The following AKR1B10 variants were observed in gnomAD, a reference collection of about 807,000 sequenced individuals.
The protein encoded by AKR1B10 is aldo-keto reductase family 1 member B10, also known as ARP.
In AKR1B10, 39 loss-of-function variants were observed where a neutral mutation model predicts 38.9. That is an observed-to-expected ratio of 1.00 (90% CI 0.78 to 1.31). AKR1B10 has a LOEUF of 1.31. Among genes scored for constraint, AKR1B10 ranks in the 50% most tolerant of loss-of-function variants. AKR1B10 has a pLI of 0.00. For synonymous variants in AKR1B10, 148 were observed against 141.2 expected (o/e 1.05, Z -0.34); for missense variants, 361 against 382.6 (o/e 0.94, Z 0.47).
Position 134,538,966 on chromosome 7 carries a change from T to C in AKR1B10, c.857T>C (p.Met286Thr), listed in dbSNP as rs3735042. ...GACTTTAAATTGAGTGATGAGGAGATGGCAACCATACTCAGCTTCAACAGA... is the reference window on the plus strand; with the variant it reads ...GACTTTAAATTGAGTGATGAGGAGACGGCAACCATACTCAGCTTCAACAGA... The part of the protein sequence containing the change: ...VFDFKLSDEE[M>T]ATILSFNRNW... The change falls in exon 9 of 10, where the codon ATG (methionine) becomes ACG (threonine). Residue 286 changes from methionine to threonine, a missense_variant. Met to Thr is a moderately conservative substitution (Grantham distance 81, BLOSUM62 -1). Around this residue, in one of 3 missense-constraint regions of AKR1B10, gnomAD observed 132 missense variants for 134.6 expected, o/e 0.98. Coordinates refer to ENST00000359579, the MANE Select transcript of AKR1B10 (RefSeq NM_020299.5). The C allele has an allele frequency of 9.1e-3, 14,661 of 1,614,022 alleles. 1,112 individuals carry two copies. The Admixed American group carries it at 0.16, about 18-fold the overall frequency.
chr7:134,532,866 C>G, intron 3 of AKR1B10, 138 bp from the exon 4 acceptor site: 2 of 666,328 alleles, frequency 3.0e-6, no homozygotes, highest in Non-Finnish European at 5.2e-6. Context: ...ACTCACATTC[C>G]TAAAGTATGT....
At chr7:134,532,311 AC>A (rs745667906) in intron 3 of AKR1B10, among the ~76,000 whole-genome samples, 16 of 152,242 alleles carry the variant, frequency 1.1e-4, no homozygotes, top group Non-Finnish European at 1.9e-4. Context: ...CTGCCATATC[AC>A]CTTTGTCTTG....
intron 5 of AKR1B10, 119 bp from the exon 6 acceptor site, chr7:134,536,932 A>G (rs371182547): frequency 1.8e-5 from 28 of 1,582,442 alleles, no homozygotes; most frequent in South Asian, 7.1e-5. Context: ...TTTAGCAAGT[A>G]TCTCAGTGGG....
chr7:134,529,014 T>C (rs1394138927), intron 1 of AKR1B10, among the ~76,000 whole-genome samples: 4 of 152,176 alleles, frequency 2.6e-5, no homozygotes, highest in Non-Finnish European at 4.4e-5. Context: ...AGTTTCAAGT[T>C]GTTCCATCAC....
At chr7:134,530,582 C>A in intron 1 of AKR1B10, 61 bp from the exon 2 acceptor site, 2 of 1,588,996 alleles carry the variant, frequency 1.3e-6, no homozygotes, top group Non-Finnish European at 1.7e-6. Flanking sequence ...CTGGGCAACA[C>A]GGCAGGGCCC....
intron 4 of AKR1B10, chr7:134,535,610 T>TTTTTTG: frequency 2.2e-6 from 2 of 921,818 alleles, no homozygotes; most frequent in Non-Finnish European, 2.5e-6. Context: ...TTTTTTTTTC[T>TTTTTTG]TTTGAGGCCC....
intron 9 of AKR1B10, 35 bp downstream of exon 9, chr7:134,539,052 G>A (rs761893835): frequency 1.2e-6 from 2 of 1,612,318 alleles, no homozygotes; most frequent in Non-Finnish European, 8.5e-7. Context: ...AGCATTGCCA[G>A]GAGTTTTTCT....
rs1554396831 is a variant in AKR1B10 at position 134,535,585 on chromosome 7, C to CCTTT, written c.430-1065_430-1064insCTTT. On this transcript the variant is annotated intron_variant, in intron 4 of 9. Transcript: ENST00000359579. ...CTCATGTTTTTTCCCTCTTTTCTGTCTTTTTTTTTTTTTTTTTTTTTTTCT... is the reference window on the plus strand; with the variant it reads ...CTCATGTTTTTTCCCTCTTTTCTGTCCTTTTTTTTTTTTTTTTTTTTTTTTTTCT... The CCTTT allele has an allele frequency of 5.9e-4, 243 of 410,584 alleles. 5 individuals are homozygous for CCTTT. The highest frequency in any genetic ancestry group is 1.3e-3 in the South Asian group (12 of 9,040). The allele number at this position is 410,584 out of a possible 1,614,324, so 25.4% of individuals were successfully genotyped here. A position where few individuals can be genotyped will look rare whatever the true frequency, so the allele number is the denominator to read the frequency against.
chr7:134,540,932 G>A, intron 9 of AKR1B10, 115 bp from the exon 10 acceptor site: 2 of 769,626 alleles, frequency 2.6e-6, no homozygotes, highest in Middle Eastern at 2.3e-4. Context: ...GCAGGGAGGA[G>A]GCTAAGAGAG....
chr7:134,530,577 CA>C (rs1426223882), intron 1 of AKR1B10, 65 bp from the exon 2 acceptor site: 3 of 1,577,174 alleles, frequency 1.9e-6, no homozygotes, highest in Non-Finnish European at 1.7e-6. Flanking sequence ...CCAGCCTGGG[CA>C]ACACGGCAGG....
chr7:134,532,098 G>A, intron 3 of AKR1B10, 74 bp downstream of exon 3: 1 of 1,568,508 alleles, frequency 6.4e-7, no homozygotes. Flanking sequence ...CCAGGGCTGT[G>A]GGGTGGTGTG....
At chr7:134,531,780 T>C (rs1807864089) in intron 2 of AKR1B10, 128 bp from the exon 3 acceptor site, 1 of 1,039,962 alleles carries the variant, frequency 9.6e-7, no homozygotes, top group Admixed American at 1.9e-5. Flanking sequence ...TCGTGGATCT[T>C]AATCAGCTTT....
At position 134,533,063 on chromosome 7, in the gene AKR1B10, G is replaced by A. The variant is rs1192343880; in HGVS notation, c.411G>A (p.Thr137=). 6 of 1,596,866 alleles carry A rather than the reference G, an allele frequency of 3.8e-6. No individual in the cohort carries two copies. Among genetic ancestry groups the A allele is most frequent in the East Asian group, 4.6e-5 (2 of 43,540 alleles). The stretch of plus-strand genomic sequence containing the variant: ...GTAATGCCATCGGTGGAAAAGCAAC[G>A]TTCTTGGATGCCTGGGAGGTAGGTT... ...DKGNAIGGKA[T]FLDAWEAMEE... Residue 137 remains threonine (T), a synonymous_variant, in exon 4 of 10, where the codon ACG becomes ACA. Transcript: ENST00000359579.
intron 4 of AKR1B10, chr7:134,535,590 T>C: frequency 9.4e-6 from 8 of 848,498 alleles, no homozygotes; most frequent in South Asian, 5.5e-5. Flanking sequence ...TCTGTCTTTT[T>C]TTTTTTTTTT....
At position 134,527,819 on chromosome 7, in the gene AKR1B10, C is replaced by T. The variant is rs2117530605; in HGVS notation, c.-93C>T. On this transcript the variant is annotated 5_prime_UTR_variant, in exon 1 of 10. Coordinates refer to ENST00000359579, the MANE Select transcript of AKR1B10 (RefSeq NM_020299.5). ...TGAGATCGCACCACTGCACTCTAGC[C>T]TTGGCAACAGTGCAAGACTGTCTCA... 1 of 1,585,590 alleles carries T rather than the reference C, an allele frequency of 6.3e-7. No individual in the cohort carries two copies. The highest frequency in any genetic ancestry group is 1.7e-5 in the Admixed American group (1 of 59,152).
At position 134,533,089 on chromosome 7, in the gene AKR1B10, C is replaced by G. The variant is rs758418294; in HGVS notation, c.429+8C>G. The G allele has an allele frequency of 1.9e-5, 30 of 1,588,098 alleles. 1 individual carries two copies. The highest frequency in any genetic ancestry group is 3.3e-4 in the Middle Eastern group (2 of 6,000). On this transcript the variant is annotated splice_region_variant and intron_variant, in intron 4 of 9. Transcript: ENST00000359579. Reference sequence around the variant, plus strand: ...TTCTTGGATGCCTGGGAGGTAGGTTCCCAGCTTCCTCTAAGTGTGCTGGGA... The same window carrying G: ...TTCTTGGATGCCTGGGAGGTAGGTTGCCAGCTTCCTCTAAGTGTGCTGGGA...
chr7:134,536,417 A>C (rs1808004873), intron 4 of AKR1B10, among the ~76,000 whole-genome samples: 1 of 152,242 alleles, frequency 6.6e-6, no homozygotes, highest in Admixed American at 6.5e-5. Context: ...AGTGGCAAGA[A>C]CATAAAATCT....
intron 1 of AKR1B10, among the ~76,000 whole-genome samples, chr7:134,529,369 T>C (rs1324987776): frequency 1.3e-5 from 2 of 152,186 alleles, no homozygotes; most frequent in Non-Finnish European, 2.9e-5. Context: ...ATAAACAGAA[T>C]AAATAATCAC....
rs1331041157 is a variant in AKR1B10, at chr7:134,532,099, G to C, written c.351+75G>C. The C allele has an allele frequency of 8.9e-6, 14 of 1,568,814 alleles. 1 individual carries two copies. Among genetic ancestry groups the C allele is most frequent in the Admixed American group, 6.7e-5 (4 of 59,750 alleles). On this transcript the variant is annotated intron_variant, in intron 3 of 9. Transcript: ENST00000359579. ...AAATAGTAGCTGCACCAGGGCTGTGGGGTGGTGTGGACTGGGGCAGGAGGC... is the reference window on the plus strand; with the variant it reads ...AAATAGTAGCTGCACCAGGGCTGTGCGGTGGTGTGGACTGGGGCAGGAGGC...
Sources: gnomAD v4.1 joint callset for allele counts (sites outside exome capture counted in the v4.1 genomes callset) on GRCh38, gnomAD v4.1.1 for gene constraint, gnomAD v4.1.1 regional missense constraint, MANE v1.5 for transcripts, NCBI Gene and HGNC (gene_info 2026-07-23, HGNC 2026-07-21) for gene names.